The following SPDYE10 variants were observed in gnomAD, a reference collection of about 807,000 sequenced individuals.
The protein encoded by SPDYE10 is speedy/RINGO cell cycle regulator family member E10, also known as speedy protein E10.
chr7:73,149,220 G>A, the SPDYE10 span, among the ~76,000 whole-genome samples: 1 of 137,850 alleles, frequency 7.3e-6, no homozygotes, highest in East Asian at 2.0e-4. Flanking sequence ...GACCTCAAGG[G>A]CTCCACCCGC....
At chr7:73,141,109 C>CACAG in the SPDYE10 span, among the ~76,000 whole-genome samples, 1 of 149,354 alleles carries the variant, frequency 6.7e-6, no homozygotes, top group South Asian at 2.1e-4. Context: ...CACACACACA[C>CACAG]ACAGACAAAA....
the SPDYE10 span, among the ~76,000 whole-genome samples, chr7:73,113,632 G>A: frequency 2.0e-5 from 3 of 151,540 alleles, no homozygotes; most frequent in African/African-American, 7.3e-5. Flanking sequence ...AGTGGCTCAC[G>A]CCTGTAATCC....
At chr7:73,134,666 A>C in the SPDYE10 span, among the ~76,000 whole-genome samples, 3 of 152,242 alleles carry the variant, frequency 2.0e-5, no homozygotes, top group Non-Finnish European at 4.4e-5. Flanking sequence ...GTTCAAGACC[A>C]GCCTGGCTGA....
the SPDYE10 span, among the ~76,000 whole-genome samples, chr7:73,145,119 C>T: frequency 7.2e-6 from 1 of 138,992 alleles, no homozygotes; most frequent in Non-Finnish European, 1.5e-5. Flanking sequence ...TTCTTTCTTT[C>T]TTTCTTTTCT....
At chr7:73,152,455 C>CT in the SPDYE10 span, among the ~76,000 whole-genome samples, 1 of 88,186 alleles carries the variant, frequency 1.1e-5, no homozygotes, top group African/African-American at 5.4e-5. Context: ...GCGATCTCAG[C>CT]TTACTGCAGC....
At chr7:73,134,561 G>GAAAGAAAGAAAGAAAGAAAGAA in the SPDYE10 span, among the ~76,000 whole-genome samples, 5 of 152,060 alleles carry the variant, frequency 3.3e-5, no homozygotes, top group Admixed American at 6.5e-5. Context: ...AAGAAAGAAA[G>GAAAGAAAGAAAGAAAGAAAGAA]AAAGAAACCG....
chr7:73,142,980 G>GAGGAAGGAAGGAAGGAAGGAAGGA, the SPDYE10 span, among the ~76,000 whole-genome samples: 1 of 93,656 alleles, frequency 1.1e-5, no homozygotes, highest in East Asian at 3.0e-4. Flanking sequence ...GGGAGGGAGG[G>GAGGAAGGAAGGAAGGAAGGAAGGA]AGGAAGGAAG....
chr7:73,123,173 C>T, the SPDYE10 span, among the ~76,000 whole-genome samples: 2 of 152,242 alleles, frequency 1.3e-5, no homozygotes, highest in Non-Finnish European at 2.9e-5. Context: ...TGCTGCCATT[C>T]CTGGCCCAGG....
chr7:73,123,788 C>CCTCTCTCCCTCTCTCT, the SPDYE10 span, among the ~76,000 whole-genome samples: 4 of 97,452 alleles, frequency 4.1e-5, no homozygotes, highest in African/African-American at 1.5e-4. Context: ...TCTCTCTCTC[C>CCTCTCTCCCTCTCTCT]CTCTCTCTCT....
At chr7:73,123,846 G>A in the SPDYE10 span, among the ~76,000 whole-genome samples, 1 of 141,520 alleles carries the variant, frequency 7.1e-6, no homozygotes, top group Non-Finnish European at 1.5e-5. Context: ...GTGCAATGGT[G>A]CGATCTGGGC....
At chr7:73,132,542 G>C in the SPDYE10 span, among the ~76,000 whole-genome samples, 1 of 107,914 alleles carries the variant, frequency 9.3e-6, no homozygotes, top group Non-Finnish European at 1.9e-5. Context: ...GCAAGACCCT[G>C]TCTCAAAAAA....
the SPDYE10 span, among the ~76,000 whole-genome samples, chr7:73,123,788 C>CTCTCCCTCTCTCT: frequency 1.0e-5 from 1 of 97,458 alleles, no homozygotes; most frequent in Non-Finnish European, 1.9e-5. Context: ...TCTCTCTCTC[C>CTCTCCCTCTCTCT]CTCTCTCTCT....
At chr7:73,135,018 C>T in the SPDYE10 span, among the ~76,000 whole-genome samples, 1 of 152,310 alleles carries the variant, frequency 6.6e-6, no homozygotes, top group African/African-American at 2.4e-5. Flanking sequence ...TGTCCTGCTG[C>T]AGCCTTGCCT....
chr7:73,120,857 G>GTTTTTATTT, the SPDYE10 span, among the ~76,000 whole-genome samples: 1 of 150,634 alleles, frequency 6.6e-6, no homozygotes. Flanking sequence ...TTGAGACAGA[G>GTTTTTATTT]TTTCACTGTT....
At chr7:73,114,718 G>A in the SPDYE10 span, among the ~76,000 whole-genome samples, 3 of 146,714 alleles carry the variant, frequency 2.0e-5, no homozygotes, top group South Asian at 2.2e-4. Flanking sequence ...TTGTATTTTT[G>A]GTAGAGACGA....
At chr7:73,114,560 A>G in the SPDYE10 span, among the ~76,000 whole-genome samples, 1 of 134,198 alleles carries the variant, frequency 7.5e-6, no homozygotes, top group African/African-American at 2.6e-5. Flanking sequence ...TTTTGGAAAC[A>G]GAGTCTCACT....
chr7:73,126,533 A>G, the SPDYE10 span, among the ~76,000 whole-genome samples: 1 of 139,664 alleles, frequency 7.2e-6, no homozygotes, highest in Non-Finnish European at 1.5e-5. Context: ...AAAAAAAGGA[A>G]AAGAAAGAAA....
chr7:73,123,070 T>C, the SPDYE10 span, among the ~76,000 whole-genome samples: 1 of 151,014 alleles, frequency 6.6e-6, no homozygotes, highest in Non-Finnish European at 1.5e-5. Context: ...CCACCTGCCT[T>C]TTGCTCTGCT....
chr7:73,142,946 G>A, the SPDYE10 span, among the ~76,000 whole-genome samples: 4 of 141,674 alleles, frequency 2.8e-5, no homozygotes, highest in Admixed American at 2.1e-4. Flanking sequence ...AAAAAAGAGA[G>A]AGAGGGAGGG....
Sources: allele counts gnomAD v4.1 joint callset (sites outside exome capture counted in the v4.1 genomes callset), GRCh38; gene constraint gnomAD v4.1.1; transcripts MANE v1.5; gene names NCBI Gene and HGNC (gene_info 2026-07-23, HGNC 2026-07-21).